Variants in TOP3B observed in about 807,000 individuals in gnomAD.
TOP3B encodes DNA topoisomerase 3-beta-1.
TOP3B carries 45 observed loss-of-function variants against 93.9 expected under a neutral mutation model. The observed-to-expected ratio is 0.48, with a 90% CI of 0.38 to 0.61. The LOEUF (loss-of-function observed/expected upper bound fraction) is 0.61, where lower values mean the gene tolerates loss of function less well. Among genes scored for constraint, TOP3B ranks in the 20% least tolerant of loss-of-function variants. TOP3B has a pLI of 0.00. For synonymous variants in TOP3B, 357 were observed against 472.6 expected, an observed-to-expected ratio of 0.76 and a Z score of 3.17; for missense variants, 750 against 1,156.1, an observed-to-expected ratio of 0.65 and a Z score of 5.09.
intron 8 of TOP3B, chr22:21,966,131 C>T (rs1011577493): frequency 6.6e-6 from 1 of 152,136 alleles, no homozygotes; most frequent in Admixed American, 6.5e-5. Context: ...GAACTCCTGG[C>T]CTCAAGTAAT....
At chr22:21,958,714 T>C (rs1601808261) in intron 16 of TOP3B, 21 bp from the exon 17 acceptor site, 1 of 1,581,244 alleles carries the variant, frequency 6.3e-7, no homozygotes, top group Non-Finnish European at 8.6e-7. Context: ...GCCAGGCAGG[T>C]GGCGTGAGGG....
At chr22:21,958,873 ATC>A (rs1159001498) in intron 16 of TOP3B, 180 bp from the exon 17 acceptor site, 8 of 1,166,060 alleles carry the variant, frequency 6.9e-6, no homozygotes, top group Non-Finnish European at 9.4e-6. Context: ...CAGTTCTAAA[ATC>A]TCTGTGTGTA....
At chr22:21,962,949 G>A (rs2071254583) in intron 11 of TOP3B, 56 bp from the exon 12 acceptor site, 2 of 1,597,450 alleles carry the variant, frequency 1.3e-6, no homozygotes, top group African/African-American at 1.3e-5. Flanking sequence ...TGGCCGTGAG[G>A]AGCCCCCAGT....
intron 1 of TOP3B, chr22:21,976,557 T>C (rs1044692554): frequency 1.3e-5 from 2 of 152,164 alleles, no homozygotes; most frequent in Admixed American, 1.3e-4. Flanking sequence ...CCAGCTCAAG[T>C]CTCCCAACAC....
chr22:21,960,328 A>C lies in TOP3B; in HGVS notation c.1647T>G (p.Tyr549Ter). The change falls in exon 14 of 18, where the codon TAT becomes TAG. Residue 549 changes from tyrosine to a stop codon, truncating the protein, a stop_gained. Coordinates refer to ENST00000357179, the MANE Select transcript of TOP3B (RefSeq NM_001282112.2). LOFTEE classifies it high-confidence loss of function. Reference protein sequence around the residue: ...NLGIVLVHGYYKIDAELVLPT... With the variant: ...NLGIVLVHGY ...CAGGACTGAGGAACTCACCAATCTT[A>C]TAGTAGCCGTGCACCAGGACGATGC... 3 of 1,613,338 alleles carry C rather than the reference A, an allele frequency of 1.9e-6. No individual in the cohort carries two copies. Among genetic ancestry groups the C allele is most frequent in the Non-Finnish European group, 2.5e-6 (3 of 1,179,884 alleles).
chr22:21,964,078 C>A, intron 10 of TOP3B, 50 bp from the exon 11 acceptor site: 3 of 1,603,024 alleles, frequency 1.9e-6, no homozygotes, highest in Non-Finnish European at 2.6e-6. Context: ...CGGCTGCCTG[C>A]CTGGGTTTGG....
chr22:21,971,270 C>T lies in TOP3B; in HGVS notation c.384+607G>A. 3.5e-6 allele frequency: 1 copy of T among 289,508 alleles called. No individual in the cohort carries two copies. The highest frequency in any genetic ancestry group is 6.7e-6 in the Non-Finnish European group (1 of 148,976). The allele number at this position is 289,508 out of a possible 1,614,324, so 17.9% of individuals were successfully genotyped here. On this transcript the variant is annotated intron_variant, in intron 5 of 17. Transcript: ENST00000357179. The surrounding 1 kb of genome is among the most constrained non-coding windows in gnomAD (Gnocchi z 4.6). ...GAGCCACGGGTGAGAGCTGGGGGTACAGGAGCACGGGGGCGACCCATAGAA... is the reference window on the plus strand; with the variant it reads ...GAGCCACGGGTGAGAGCTGGGGGTATAGGAGCACGGGGGCGACCCATAGAA...
intron 9 of TOP3B, chr22:21,964,640 C>T: frequency 5.0e-6 from 2 of 398,426 alleles, no homozygotes; most frequent in Non-Finnish European, 9.4e-6. Context: ...CAGAGCACCA[C>T]TCCCCATGCA....
At chr22:21,967,903 C>A in intron 7 of TOP3B, 187 bp from the exon 8 acceptor site, 1 of 571,356 alleles carries the variant, frequency 1.8e-6, no homozygotes, top group Non-Finnish European at 3.1e-6. Context: ...CTCTCCACCA[C>A]TTGCCCCAAA....
intron 16 of TOP3B, chr22:21,958,903 G>T: frequency 2.9e-6 from 3 of 1,047,812 alleles, no homozygotes; most frequent in Non-Finnish European, 4.0e-6. Context: ...GCCCATGATG[G>T]CAAGTGGCAT....
At chr22:21,969,141 T>G in intron 6 of TOP3B, 1 of 176,472 alleles carries the variant, frequency 5.7e-6, no homozygotes, top group African/African-American at 2.4e-5. Flanking sequence ...TTAGGTCTCT[T>G]TTGTTTTTGT....
At chr22:21,969,020 C>G in intron 6 of TOP3B, 1 of 494,644 alleles carries the variant, frequency 2.0e-6, no homozygotes, top group East Asian at 3.3e-5. Context: ...AGGGAGCCTT[C>G]TATTCTATTC....
At position 21,971,285 on chromosome 22, in the gene TOP3B, G is replaced by A. The variant is rs1174560195; in HGVS notation, c.384+592C>T. 8.0e-6 allele frequency: 2 copies of A among 249,186 alleles called. No homozygotes were observed. Among genetic ancestry groups the A allele is most frequent in the African/African-American group, 4.2e-5 (1 of 23,836 alleles). 15.4% of individuals were successfully genotyped at this position (249,186 alleles called of 1,614,324 possible). A position where few individuals can be genotyped will look rare whatever the true frequency, so the allele number is the denominator to read the frequency against. ...GCTGGGGGTACAGGAGCACGGGGGC[G>A]ACCCATAGAACAACAGTCTGAAGGG... On this transcript the variant is annotated intron_variant, in intron 5 of 17. Transcript: ENST00000357179. The surrounding 1 kb of genome is among the most constrained non-coding windows in gnomAD (Gnocchi z 4.6).
In TOP3B at chr22:21,971,998, G is replaced by C. The variant is rs772876305; in HGVS notation, c.310-47C>G. 1.9e-6 allele frequency: 3 copies of C among 1,548,148 alleles called. No individual in the cohort carries two copies. The East Asian group carries it at 6.9e-5, about 35-fold the overall frequency. On this transcript the variant is annotated intron_variant, in intron 4 of 17. Transcript: ENST00000357179. This position sits in a 1 kb window ranked among gnomAD's most constrained non-coding sequence, Gnocchi z 4.6. The stretch of plus-strand genomic sequence containing the variant: ...CACGTACCTGCTGCAGACCCGGTCT[G>C]TGCCACCCGCCCCCAGTGCTCCCAT...
intron 16 of TOP3B, 34 bp from the exon 17 acceptor site, chr22:21,958,727 A>G (rs754555650): frequency 1.3e-6 from 2 of 1,563,308 alleles, no homozygotes; most frequent in South Asian, 2.3e-5. Context: ...CGTGAGGGTC[A>G]CTGGGGCCAC....
intron 2 of TOP3B, 85 bp downstream of exon 2, chr22:21,975,555 C>A: frequency 7.0e-7 from 1 of 1,438,598 alleles, no homozygotes; most frequent in South Asian, 1.4e-5. Flanking sequence ...CTACCCCAGC[C>A]AGGGTGGAAT....
intron 8 of TOP3B, chr22:21,966,965 G>A (rs924396783): frequency 2.0e-5 from 3 of 153,120 alleles, no homozygotes; most frequent in African/African-American, 7.2e-5. Context: ...GGCCAGAGAA[G>A]GACAAGGAGA....
rs1471372858 is a variant in TOP3B at position 21,971,279 on chromosome 22, G to A, written c.384+598C>T. 4 of 256,766 alleles carry A rather than the reference G, an allele frequency of 1.6e-5. No individual in the cohort carries two copies. The highest frequency in any genetic ancestry group is 1.1e-4 in the East Asian group (1 of 9,332). 15.9% of individuals were successfully genotyped at this position (256,766 alleles called of 1,614,324 possible). On this transcript the variant is annotated intron_variant, in intron 5 of 17. Transcript: ENST00000357179. The surrounding 1 kb of genome is among the most constrained non-coding windows in gnomAD (Gnocchi z 4.6). ...GTGAGAGCTGGGGGTACAGGAGCAC[G>A]GGGGCGACCCATAGAACAACAGTCT...
intron 2 of TOP3B, 80 bp from the exon 3 acceptor site, chr22:21,974,568 C>T: frequency 1.4e-6 from 2 of 1,456,198 alleles, no homozygotes; most frequent in Non-Finnish European, 1.8e-6. Flanking sequence ...CGGATGCCAC[C>T]TCCCAGAGGG....
Sources: allele counts gnomAD v4.1 joint callset, GRCh38; gene constraint gnomAD v4.1.1; non-coding constraint Gnocchi (gnomAD v3.1); transcripts MANE v1.5; gene names NCBI Gene and HGNC (gene_info 2026-07-23, HGNC 2026-07-21).